The following KCNN1 variants were observed in gnomAD, a reference collection of about 807,000 sequenced individuals.
The protein encoded by KCNN1 is small conductance calcium-activated potassium channel protein 1.
A neutral mutation model predicts 44.7 loss-of-function variants in KCNN1; 20 were observed. The observed-to-expected ratio is 0.45, with a 90% CI of 0.32 to 0.65. The LOEUF (loss-of-function observed/expected upper bound fraction) is 0.65. Among genes scored for constraint, KCNN1 ranks in the 30% least tolerant of loss-of-function variants. The pLI is 0.05. For missense variants in KCNN1, 632 were observed against 785.3 expected (o/e 0.80, Z 2.33); for synonymous variants, 324 against 341.7 (o/e 0.95, Z 0.57).
Position 17,988,537 on chromosome 19 carries a change from G to A in KCNN1, c.1170+12G>A, listed in dbSNP as rs755623989. The A allele has an allele frequency of 1.0e-4, 164 of 1,600,194 alleles. No individual in the cohort carries two copies. Among genetic ancestry groups the A allele is most frequent in the Middle Eastern group, 4.9e-4 (3 of 6,066 alleles). On this transcript the variant is annotated intron_variant, in intron 6 of 9. Transcript: ENST00000684775. ...AGCTCACCAAGCGGGTGAGGACCGC[G>A]GTTCCCATGGAGGCCGCCTCCTGGC...
intron 4 of KCNN1, chr19:17,982,453 GGCCCCGGGGGGC>G: frequency 2.9e-6 from 2 of 692,238 alleles, no homozygotes; most frequent in Middle Eastern, 7.2e-4. Context: ...CCCGATCTCT[GGCCCCGGGGGGC>G]GCAGGCAGCA....
intron 1 of KCNN1, among the ~76,000 whole-genome samples, chr19:17,953,956 G>T (rs1416494829): frequency 1.3e-5 from 2 of 151,966 alleles, no homozygotes; most frequent in African/African-American, 4.8e-5. Flanking sequence ...TCTCCCCATG[G>T]CGAAGGAACT....
At chr19:17,992,762 C>T (rs1421824547) in intron 7 of KCNN1, among the ~76,000 whole-genome samples, 1 of 152,198 alleles carries the variant, frequency 6.6e-6, no homozygotes, top group African/African-American at 2.4e-5. Context: ...TGGCTTTACC[C>T]CTCTGAGCCT....
intron 3 of KCNN1, among the ~76,000 whole-genome samples, chr19:17,980,374 A>G (rs765829368): frequency 9.3e-5 from 14 of 150,934 alleles, no homozygotes; most frequent in Non-Finnish European, 1.9e-4. Context: ...GAGCCACTGC[A>G]CCCATTCTGT....
At chr19:17,954,766 G>C (rs2145896323) in intron 2 of KCNN1, 1 of 152,422 alleles carries the variant, frequency 6.6e-6, no homozygotes, top group East Asian at 1.9e-4. Flanking sequence ...GGGCAGGCTA[G>C]GTGGCTCACG....
chr19:17,971,015 C>G (rs551194877), intron 1 of KCNN1, among the ~76,000 whole-genome samples: 2 of 151,910 alleles, frequency 1.3e-5, no homozygotes, highest in African/African-American at 4.8e-5. Context: ...TCCCAAGTAG[C>G]TGGGATTACA....
upstream of KCNN1, among the ~76,000 whole-genome samples, chr19:17,964,143 C>G (rs1368740259): frequency 6.6e-6 from 1 of 151,872 alleles, no homozygotes; most frequent in African/African-American, 2.4e-5. The surrounding 1 kb of genome is among the most constrained non-coding windows in gnomAD (Gnocchi z 4.3). Flanking sequence ...ATGAATGAAT[C>G]AGTGAATAAA....
At chr19:17,964,357 G>T (rs2031748852), upstream of KCNN1, among the ~76,000 whole-genome samples, 1 of 152,156 alleles carries the variant, frequency 6.6e-6, no homozygotes, top group South Asian at 2.1e-4. The surrounding 1 kb of genome is among the most constrained non-coding windows in gnomAD (Gnocchi z 4.3). Context: ...GTGTCCCTGA[G>T]CTCCTGTGAA....
At chr19:17,980,936 G>A (rs1252476067) in intron 3 of KCNN1, among the ~76,000 whole-genome samples, 3 of 151,762 alleles carry the variant, frequency 2.0e-5, no homozygotes, top group Admixed American at 6.6e-5. Flanking sequence ...AAAAATCCTC[G>A]CCAGGCACAG....
intron 3 of KCNN1, among the ~76,000 whole-genome samples, chr19:17,979,044 G>A (rs12985765): frequency 0.17 from 24,608 of 148,548 alleles, 2,095 homozygotes; most frequent in South Asian, 0.19. Flanking sequence ...CTGGGGGACA[G>A]AATGAGACTC....
intron 5 of KCNN1, among the ~76,000 whole-genome samples, chr19:17,986,153 CAGG>C (rs2145956562): frequency 6.6e-6 from 1 of 151,916 alleles, no homozygotes; most frequent in South Asian, 2.1e-4. Context: ...ATCACGAGGT[CAGG>C]AGTTCAAGAC....
chr19:17,990,143 A>T, intron 7 of KCNN1: 1 of 534,820 alleles, frequency 1.9e-6, no homozygotes, highest in South Asian at 1.5e-5. Flanking sequence ...TTTGTCTGCC[A>T]GGAGGCTCAT....
chr19:17,956,747 A>G (rs889275277), intron 2 of KCNN1, among the ~76,000 whole-genome samples: 13 of 151,928 alleles, frequency 8.6e-5, no homozygotes, highest in African/African-American at 2.9e-4. Flanking sequence ...CTGTCTCAGA[A>G]AGAAAGCGAG....
intron 7 of KCNN1, among the ~76,000 whole-genome samples, chr19:17,990,991 T>C (rs962752358): frequency 1.6e-4 from 24 of 151,886 alleles, no homozygotes; most frequent in African/African-American, 5.8e-4. Context: ...AGAGTCTGGG[T>C]TGCAGTCTGG....
At position 17,983,498 on chromosome 19, in the gene KCNN1, A is replaced by AC; in HGVS notation, c.917+1375dup. Among the ~76,000 whole-genome samples, 1 of 151,252 alleles carries AC rather than the reference A, an allele frequency of 6.6e-6. No individual in the cohort carries two copies. The highest frequency in any genetic ancestry group is 2.1e-4 in the South Asian group (1 of 4,782). ...TGATGTTCCCCCATGCAGCTCTCAC[A>AC]CCCCTGATGGGTGGGGTCAGAACTA... On this transcript the variant is annotated intron_variant, in intron 4 of 9. Coordinates refer to ENST00000684775, the MANE Select transcript of KCNN1 (RefSeq NM_001386974.1). The surrounding 1 kb of genome is among the most constrained non-coding windows in gnomAD (Gnocchi z 4.5).
chr19:17,996,829 AG>A (rs1255327077), intron 9 of KCNN1, among the ~76,000 whole-genome samples: 4 of 152,112 alleles, frequency 2.6e-5, no homozygotes, highest in Non-Finnish European at 1.5e-5. Flanking sequence ...GGAAAAGGGT[AG>A]GGGGCACAGT....
rs1419634665 is a variant in KCNN1, at chr19:17,983,894, A to G, written c.918-1418A>G. ...GTCAGTCAGCTGGGCACCGTGGCTC[A>G]TGCCTGTAATCCCAGCACTTTGGGA... On this transcript the variant is annotated intron_variant, in intron 4 of 9. Coordinates refer to ENST00000684775, the MANE Select transcript of KCNN1 (RefSeq NM_001386974.1). This position sits in a 1 kb window ranked among gnomAD's most constrained non-coding sequence, Gnocchi z 4.5. Among the ~76,000 whole-genome samples, 9 of 151,952 alleles carry G rather than the reference A, an allele frequency of 5.9e-5. No individual in the cohort carries two copies. The highest frequency in any genetic ancestry group is 5.2e-4 in the Admixed American group (8 of 15,246).
intron 6 of KCNN1, among the ~76,000 whole-genome samples, 153 bp from the exon 7 acceptor site, chr19:17,989,563 T>TG (rs2032716585): frequency 6.6e-6 from 1 of 152,190 alleles, no homozygotes; most frequent in South Asian, 2.1e-4. Flanking sequence ...ACTGCACAGA[T>TG]GTTGTTGTAC....
In KCNN1 at chr19:17,993,808, G is replaced by A. The variant is rs1317772108; in HGVS notation, c.1377+249G>A. The stretch of plus-strand genomic sequence containing the variant: ...CGCCTTTAATCCCAGCTACTTGGGG[G>A]CTGAGGGAGGAGAATCGCTTGAACT... On this transcript the variant is annotated intron_variant, in intron 9 of 9. Coordinates refer to ENST00000684775, the MANE Select transcript of KCNN1 (RefSeq NM_001386974.1). This position sits in a 1 kb window ranked among gnomAD's most constrained non-coding sequence, Gnocchi z 4.5. Among the ~76,000 whole-genome samples, 19 of 152,164 alleles carry A rather than the reference G, an allele frequency of 1.2e-4. No homozygotes were observed. Among genetic ancestry groups the A allele is most frequent in the Admixed American group, 1.2e-3 (19 of 15,262 alleles).
Sources: allele counts gnomAD v4.1 joint callset (sites outside exome capture counted in the v4.1 genomes callset), GRCh38; gene constraint gnomAD v4.1.1; non-coding constraint Gnocchi (gnomAD v3.1); transcripts MANE v1.5; gene names NCBI Gene and HGNC (gene_info 2026-07-23, HGNC 2026-07-21).